MYO16: variants seen among roughly 807,000 people sequenced by gnomAD.
MYO16 encodes the protein myosin XVI, also known as unconventional myosin-XVI.
Under a neutral mutation model 205.3 loss-of-function variants are expected in MYO16, and 94 were observed. The observed-to-expected ratio is 0.46, with a 90% CI of 0.39 to 0.54. The LOEUF (loss-of-function observed/expected upper bound fraction) is 0.54. Among genes scored for constraint, MYO16 ranks in the 20% least tolerant of loss-of-function variants. The pLI is 0.00. For missense variants in MYO16, 2,315 were observed against 2,387.5 expected, an observed-to-expected ratio of 0.97 and a Z score of 0.63; for synonymous variants, 988 against 954.0, an observed-to-expected ratio of 1.04 and a Z score of -0.66.
At chr13:108,522,766 T>TTG in the MYO16 span, among the ~76,000 whole-genome samples, 97,323 of 149,704 alleles carry the variant, frequency 0.65, 33,804 homozygotes, top group Non-Finnish European at 0.76. Context: ...GTGTGTGTGT[T>TTG]TGTGTGTGTG....
chr13:108,998,637 G>A (rs1446160240), intron 21 of MYO16, among the ~76,000 whole-genome samples: 1 of 152,184 alleles, frequency 6.6e-6, no homozygotes, highest in Non-Finnish European at 1.5e-5. Context: ...TATTTGAACA[G>A]GGCATACGGA....
At chr13:108,618,771 T>G (rs893165554) in intron 1 of MYO16, among the ~76,000 whole-genome samples, 1 of 152,186 alleles carries the variant, frequency 6.6e-6, no homozygotes, top group Non-Finnish European at 1.5e-5. Flanking sequence ...AGAAATCCTT[T>G]TCTCACTGTG....
At chr13:108,822,380 G>A (rs1019264997) in intron 8 of MYO16, among the ~76,000 whole-genome samples, 1 of 152,058 alleles carries the variant, frequency 6.6e-6, no homozygotes, top group Admixed American at 6.6e-5. Flanking sequence ...CTAATTGATA[G>A]ACATAGGTGG....
chr13:108,676,029 T>TAG (rs1240181564), intron 2 of MYO16, among the ~76,000 whole-genome samples: 7 of 152,344 alleles, frequency 4.6e-5, no homozygotes, highest in African/African-American at 1.7e-4. Flanking sequence ...TAATAAATGT[T>TAG]AGCTACTATT....
At chr13:108,680,621 A>G (rs1225583451) in intron 2 of MYO16, among the ~76,000 whole-genome samples, 1 of 152,194 alleles carries the variant, frequency 6.6e-6, no homozygotes. Flanking sequence ...GCACTTTTTA[A>G]TCCATAGCTT....
intron 9 of MYO16, among the ~76,000 whole-genome samples, chr13:108,837,083 C>T (rs562348757): frequency 6.6e-6 from 1 of 152,254 alleles, no homozygotes; most frequent in South Asian, 2.1e-4. Context: ...TTGTAGTTCC[C>T]ATAATCCCCA....
chr13:108,763,787 T>TTTGTGTGTGTG (rs150965677), intron 4 of MYO16, among the ~76,000 whole-genome samples: 6 of 142,536 alleles, frequency 4.2e-5, no homozygotes, highest in African/African-American at 1.6e-4. Flanking sequence ...AGAAAAGGAG[T>TTTGTGTGTGTG]TGTGTGTGTG....
the MYO16 span, among the ~76,000 whole-genome samples, chr13:108,554,013 A>T: frequency 6.6e-6 from 1 of 152,198 alleles, no homozygotes; most frequent in Non-Finnish European, 1.5e-5. Context: ...GTCCAAAGCC[A>T]TGCGCTGCCT....
chr13:109,199,106 A>C (rs1352837960), intron 34 of MYO16, among the ~76,000 whole-genome samples: 1 of 150,618 alleles, frequency 6.6e-6, no homozygotes, highest in East Asian at 2.0e-4. Context: ...CTCAATATTC[A>C]GATCAAAGGT....
At chr13:108,889,130 T>C (rs577515302) in intron 14 of MYO16, among the ~76,000 whole-genome samples, 50 of 152,174 alleles carry the variant, frequency 3.3e-4, no homozygotes, top group Non-Finnish European at 4.6e-4. Flanking sequence ...AAAGAAATTA[T>C]TGTGAGGGAT....
intron 4 of MYO16, among the ~76,000 whole-genome samples, chr13:108,735,842 G>C (rs1884679403): frequency 6.6e-6 from 1 of 151,770 alleles, no homozygotes; most frequent in Admixed American, 6.6e-5. Flanking sequence ...ATTCTAACTG[G>C]TGTGAGATGG....
At chr13:108,663,968 G>C (rs1332384002) in intron 1 of MYO16, among the ~76,000 whole-genome samples, 1 of 152,194 alleles carries the variant, frequency 6.6e-6, no homozygotes. Context: ...GAAAGCAGAA[G>C]ACAGTTATGG....
intron 27 of MYO16, among the ~76,000 whole-genome samples, chr13:109,082,443 TA>T (rs1888309674): frequency 6.6e-6 from 1 of 152,140 alleles, no homozygotes. Flanking sequence ...CAATTATAAA[TA>T]TGGGGCTTAA....
intron 23 of MYO16, among the ~76,000 whole-genome samples, chr13:109,030,888 C>T (rs1330141237): frequency 6.6e-6 from 1 of 152,004 alleles, no homozygotes; most frequent in Non-Finnish European, 1.5e-5. Flanking sequence ...CAATTAATGG[C>T]AAAACCAGAC....
chr13:109,180,944 C>T (rs575556476), intron 34 of MYO16, among the ~76,000 whole-genome samples: 6 of 152,266 alleles, frequency 3.9e-5, no homozygotes, highest in South Asian at 4.1e-4. Flanking sequence ...TACAACACAA[C>T]GCTGGGCCAT....
chr13:108,772,946 G>A (rs1457320667), intron 4 of MYO16, among the ~76,000 whole-genome samples: 1 of 152,048 alleles, frequency 6.6e-6, no homozygotes, highest in African/African-American at 2.4e-5. Context: ...CTATAAACTG[G>A]GTGGCTTATA....
At chr13:109,122,402 G>A (rs2139764628) in intron 29 of MYO16, among the ~76,000 whole-genome samples, 1 of 152,266 alleles carries the variant, frequency 6.6e-6, no homozygotes. Flanking sequence ...TAAAAGGTCG[G>A]GCGCAGTGGC....
intron 4 of MYO16, among the ~76,000 whole-genome samples, chr13:108,748,913 G>A (rs1252172640): frequency 6.6e-6 from 1 of 152,058 alleles, no homozygotes; most frequent in African/African-American, 2.4e-5. Context: ...CCTCTGATTT[G>A]GTGATAGGTT....
chr13:109,042,595 G>A (rs1165651836), intron 23 of MYO16, among the ~76,000 whole-genome samples: 3 of 152,192 alleles, frequency 2.0e-5, no homozygotes, highest in Admixed American at 2.0e-4. Context: ...TCAATTGTTT[G>A]CATTATTATG....
Sources: allele counts gnomAD v4.1 joint callset (sites outside exome capture counted in the v4.1 genomes callset), GRCh38; gene constraint gnomAD v4.1.1; transcripts MANE v1.5; gene names NCBI Gene and HGNC (gene_info 2026-07-23, HGNC 2026-07-21).